The following CADM2 variants were observed in gnomAD, a reference collection of about 807,000 sequenced individuals.
CADM2 encodes cell adhesion molecule 2.
Under a neutral mutation model 49.8 loss-of-function variants are expected in CADM2, and 12 were observed. The observed-to-expected ratio is 0.24, with a 90% CI of 0.15 to 0.39. The LOEUF is 0.39. Ranked by LOEUF, CADM2 falls within the 10% of genes least tolerant of loss-of-function variation. CADM2 has a pLI of 1.00. For missense variants in CADM2, 378 were observed against 492.3 expected (o/e 0.77, Z 2.20); for synonymous variants, 214 against 175.4 (o/e 1.22, Z -1.74).
At chr3:85,775,508 C>T (rs1206952740) in intron 2 of CADM2, among the ~76,000 whole-genome samples, 1 of 151,732 alleles carries the variant, frequency 6.6e-6, no homozygotes, top group Non-Finnish European at 1.5e-5. Flanking sequence ...GCTTTATAAA[C>T]TTGAAAATCA....
intron 1 of CADM2, among the ~76,000 whole-genome samples, chr3:85,620,314 A>G (rs2107485903): frequency 1.3e-5 from 2 of 152,244 alleles, no homozygotes; most frequent in African/African-American, 4.8e-5. Context: ...GCATTATAAA[A>G]TTTAGTATAA....
At chr3:85,004,140 T>C (rs1056000472) in intron 1 of CADM2, among the ~76,000 whole-genome samples, 7 of 152,172 alleles carry the variant, frequency 4.6e-5, no homozygotes, top group African/African-American at 9.6e-5. Flanking sequence ...ATGACAAAGT[T>C]AGAAGTTTTG....
At chr3:85,361,140 C>T (rs979588582) in intron 1 of CADM2, among the ~76,000 whole-genome samples, 2 of 152,100 alleles carry the variant, frequency 1.3e-5, no homozygotes, top group Non-Finnish European at 2.9e-5. Flanking sequence ...AACTTAGACA[C>T]ATTAAAATTT....
Position 85,646,409 on chromosome 3 carries a change from A to T in CADM2, c.62-80113A>T, listed in dbSNP as rs1194109442. Among the ~76,000 whole-genome samples the T allele has an allele frequency of 3.3e-5, 5 of 151,960 alleles. No homozygotes were observed. In the East Asian group the frequency reaches 9.6e-4, roughly 29 times the overall value. ...TCAACAGTCAATTAGGAGCACAAAAACTGACTTCAAGTTTCTGACAGGGTG... is the reference window on the plus strand; with the variant it reads ...TCAACAGTCAATTAGGAGCACAAAATCTGACTTCAAGTTTCTGACAGGGTG... On this transcript the variant is annotated intron_variant, in intron 1 of 9. Coordinates refer to ENST00000383699, the MANE Select transcript of CADM2 (RefSeq NM_001167675.2).
intron 2 of CADM2, among the ~76,000 whole-genome samples, chr3:85,749,536 A>G (rs1577222262): frequency 6.6e-6 from 1 of 152,114 alleles, no homozygotes; most frequent in East Asian, 1.9e-4. Flanking sequence ...CTCTAAATTG[A>G]TACAACCCGG....
chr3:85,544,019 T>G (rs942144179), intron 1 of CADM2, among the ~76,000 whole-genome samples: 1 of 152,068 alleles, frequency 6.6e-6, no homozygotes, highest in African/African-American at 2.4e-5. Flanking sequence ...ATTTTTGTTT[T>G]TCAAATTAGA....
chr3:85,532,234 C>T (rs777331472), intron 1 of CADM2, among the ~76,000 whole-genome samples: 18 of 151,884 alleles, frequency 1.2e-4, no homozygotes, highest in Non-Finnish European at 2.5e-4. Context: ...GTTTTGATGG[C>T]AGTATTGAGG....
chr3:85,915,922 C>T (rs1718235352), intron 6 of CADM2, among the ~76,000 whole-genome samples: 1 of 151,936 alleles, frequency 6.6e-6, no homozygotes, highest in East Asian at 1.9e-4. Flanking sequence ...AAATAAAAAT[C>T]CTCTGATATT....
chr3:85,430,040 A>G (rs1274592444), intron 1 of CADM2, among the ~76,000 whole-genome samples: 1 of 152,180 alleles, frequency 6.6e-6, no homozygotes, highest in Non-Finnish European at 1.5e-5. Flanking sequence ...GAATGAACAC[A>G]TGATGGATCA....
intron 1 of CADM2, among the ~76,000 whole-genome samples, chr3:84,968,973 G>A (rs552081566): frequency 3.0e-4 from 46 of 152,130 alleles, no homozygotes; most frequent in African/African-American, 1.0e-3. Context: ...AGTATAGAGA[G>A]ACGCTGAACT....
intron 1 of CADM2, among the ~76,000 whole-genome samples, chr3:85,419,897 A>C (rs2036090310): frequency 6.6e-6 from 1 of 152,084 alleles, no homozygotes; most frequent in Non-Finnish European, 1.5e-5. Context: ...TTCTCCATCC[A>C]CGGGCATTCT....
At chr3:85,934,782 A>G (rs1392131882) in intron 6 of CADM2, among the ~76,000 whole-genome samples, 4 of 152,056 alleles carry the variant, frequency 2.6e-5, no homozygotes, top group Non-Finnish European at 5.9e-5. Context: ...CAAAGAATGT[A>G]TATAATAACA....
intron 1 of CADM2, among the ~76,000 whole-genome samples, chr3:85,538,024 C>A (rs1333114642): frequency 6.6e-6 from 1 of 152,080 alleles, no homozygotes; most frequent in Non-Finnish European, 1.5e-5. Context: ...TTGTTCATAT[C>A]ATAATGTATT....
intron 1 of CADM2, among the ~76,000 whole-genome samples, chr3:85,231,503 A>C (rs1388755114): frequency 6.6e-6 from 1 of 152,100 alleles, no homozygotes; most frequent in Non-Finnish European, 1.5e-5. Flanking sequence ...GGGCAAACAC[A>C]TGCCAGGATA....
intron 2 of CADM2, among the ~76,000 whole-genome samples, chr3:85,789,899 T>G (rs1393694190): frequency 6.6e-6 from 1 of 152,182 alleles, no homozygotes; most frequent in Non-Finnish European, 1.5e-5. Flanking sequence ...GAATTGACTT[T>G]GTACACATAC....
At chr3:85,501,398 G>C (rs1323037470) in intron 1 of CADM2, among the ~76,000 whole-genome samples, 2 of 152,060 alleles carry the variant, frequency 1.3e-5, no homozygotes, top group Non-Finnish European at 2.9e-5. Flanking sequence ...TCCATCCTTT[G>C]TTAAGTTAGG....
intron 5 of CADM2, among the ~76,000 whole-genome samples, chr3:85,906,324 C>G (rs975162060): frequency 2.0e-5 from 3 of 151,832 alleles, no homozygotes; most frequent in African/African-American, 7.3e-5. Context: ...ATTTAAGATA[C>G]ATTTTATGAA....
intron 3 of CADM2, among the ~76,000 whole-genome samples, chr3:85,882,631 G>A (rs558342676): frequency 6.6e-6 from 1 of 152,234 alleles, no homozygotes; most frequent in Admixed American, 6.5e-5. Flanking sequence ...CTCCCAAAAT[G>A]AGTCAAGTGA....
intron 1 of CADM2, among the ~76,000 whole-genome samples, chr3:85,497,751 G>A (rs1309502168): frequency 6.6e-6 from 1 of 152,034 alleles, no homozygotes; most frequent in African/African-American, 2.4e-5. Flanking sequence ...AGGTTATGGG[G>A]TTGTGGGACA....
Sources: allele counts gnomAD v4.1 joint callset (sites outside exome capture counted in the v4.1 genomes callset), GRCh38; gene constraint gnomAD v4.1.1; transcripts MANE v1.5; gene names NCBI Gene and HGNC (gene_info 2026-07-23, HGNC 2026-07-21).